The following CEMIP2 variants were observed in gnomAD, a reference collection of about 807,000 sequenced individuals.
CEMIP2 encodes cell surface hyaluronidase CEMIP2.
CEMIP2 carries 79 observed loss-of-function variants against 146.9 expected under a neutral mutation model. That is an observed-to-expected ratio of 0.54 (90% CI 0.45 to 0.65). The LOEUF (loss-of-function observed/expected upper bound fraction) is 0.65. Ranked by LOEUF, CEMIP2 falls within the 30% of genes least tolerant of loss-of-function variation. CEMIP2 has a pLI of 0.00. For missense variants in CEMIP2, 1,596 were observed against 1,696.2 expected, an observed-to-expected ratio of 0.94 and a Z score of 1.04; for synonymous variants, 601 against 606.3, an observed-to-expected ratio of 0.99 and a Z score of 0.13.
intron 1 of CEMIP2, among the ~76,000 whole-genome samples, chr9:71,759,728 T>C (rs377145896): frequency 6.6e-6 from 1 of 150,864 alleles, no homozygotes. Flanking sequence ...ATAGGGCTGT[T>C]CGGATGTGGT....
intron 2 of CEMIP2, among the ~76,000 whole-genome samples, chr9:71,747,831 T>C (rs1824132276): frequency 6.6e-6 from 1 of 152,194 alleles, no homozygotes; most frequent in African/African-American, 2.4e-5. Context: ...CAGCTACAAT[T>C]AGCCTCACCA....
At chr9:71,735,654 G>A (rs545774674) in intron 5 of CEMIP2, among the ~76,000 whole-genome samples, 1 of 152,180 alleles carries the variant, frequency 6.6e-6, no homozygotes, top group African/African-American at 2.4e-5. Context: ...ATGGTGGTGT[G>A]TGCCTACATC....
At position 71,685,270 on chromosome 9, in the gene CEMIP2, T is replaced by C; in HGVS notation, c.4079A>G (p.Tyr1360Cys). 1.2e-6 allele frequency: 2 copies of C among 1,613,646 alleles called. No individual in the cohort carries two copies. Among genetic ancestry groups the C allele is most frequent in the Non-Finnish European group, 1.7e-6 (2 of 1,179,924 alleles). Reference protein sequence around the residue: ...EQFIPLQLDEYGCPRATTVRR... With the variant: ...EQFIPLQLDECGCPRATTVRR... ...GACAGTGGTGGCTCTGGGACAACCA[T>C]ATTCGTCCAGCTGCAAAGGTATGAA... is the stretch of plus-strand genomic sequence containing the variant. Residue 1360 changes from tyrosine (Y) to cysteine (C), a missense_variant, in exon 24 of 24, where the codon TAT becomes TGT. By Grantham distance (194) the Tyr-to-Cys change is radical. Coordinates refer to ENST00000377044, the MANE Select transcript of CEMIP2 (RefSeq NM_013390.3).
chr9:71,697,573 C>T (rs1198903925), intron 20 of CEMIP2, among the ~76,000 whole-genome samples: 1 of 152,020 alleles, frequency 6.6e-6, no homozygotes, highest in Non-Finnish European at 1.5e-5. Context: ...AAAAAGGAAA[C>T]AATTTTCATA....
intron 10 of CEMIP2, among the ~76,000 whole-genome samples, chr9:71,729,572 C>T (rs377723755): frequency 1.8e-3 from 270 of 151,192 alleles, no homozygotes; most frequent in African/African-American, 6.1e-3. Context: ...TGACCAAGAT[C>T]GCGCCACTGC....
Position 71,685,041 on chromosome 9 carries a change from T to C in CEMIP2, c.*156A>G. 1 of 641,090 alleles carries C rather than the reference T, an allele frequency of 1.6e-6. No homozygotes were observed. The highest frequency in any genetic ancestry group is 1.8e-5 in the African/African-American group (1 of 54,374). 39.7% of individuals were successfully genotyped at this position (641,090 alleles called of 1,614,324 possible). On this transcript the variant is annotated 3_prime_UTR_variant, in exon 24 of 24. Coordinates refer to ENST00000377044, the MANE Select transcript of CEMIP2 (RefSeq NM_013390.3). ...ACAACTAGAAGGTGCATGAAGCTGGTATCCAAGCAATAATTTCAAACGCTT... is the reference window on the plus strand; with the variant it reads ...ACAACTAGAAGGTGCATGAAGCTGGCATCCAAGCAATAATTTCAAACGCTT...
intron 1 of CEMIP2, among the ~76,000 whole-genome samples, chr9:71,758,937 T>G (rs753279839): frequency 6.6e-6 from 1 of 152,162 alleles, no homozygotes; most frequent in Non-Finnish European, 1.5e-5. Context: ...CCTTCAACTC[T>G]CAAAAATCAG....
intron 18 of CEMIP2, among the ~76,000 whole-genome samples, chr9:71,701,051 T>A (rs1293885383): frequency 1.3e-5 from 2 of 152,218 alleles, no homozygotes; most frequent in Admixed American, 6.5e-5. Flanking sequence ...ATTTCTCATA[T>A]CAATAGATAT....
At chr9:71,759,790 A>G in intron 1 of CEMIP2, among the ~76,000 whole-genome samples, 1 of 113,316 alleles carries the variant, frequency 8.8e-6, no homozygotes, top group Non-Finnish European at 1.6e-5. Context: ...GGAAAGAAGC[A>G]GGGATAATTG....
intron 5 of CEMIP2, among the ~76,000 whole-genome samples, chr9:71,737,268 C>CA (rs1823790010): frequency 6.6e-6 from 1 of 150,882 alleles, no homozygotes; most frequent in African/African-American, 2.4e-5. Context: ...GCCTGGCCAA[C>CA]ATGGTGAAAC....
rs1166094712 is a variant in CEMIP2 at position 71,697,900 on chromosome 9, A to G, written c.3597+85T>C. ...CAATGTCCATAAATGGGCAATATAG[A>G]TGTTTCAAAGAAAAGTGCTCCTATT... On this transcript the variant is annotated intron_variant, in intron 20 of 23. Transcript: ENST00000377044. The G allele has an allele frequency of 3.0e-6, 4 of 1,355,710 alleles. No homozygotes were observed. In the African/African-American group the frequency reaches 5.8e-5, roughly 20 times the overall value. 84.0% of individuals were successfully genotyped at this position (1,355,710 alleles called of 1,614,324 possible). A position where few individuals can be genotyped will look rare whatever the true frequency, so the allele number is the denominator to read the frequency against.
chr9:71,734,691 G>T (rs937741587), intron 6 of CEMIP2, 115 bp downstream of exon 6: 17 of 895,576 alleles, frequency 1.9e-5, no homozygotes, highest in Non-Finnish European at 2.8e-5. Flanking sequence ...CAATACTGAT[G>T]ATTGTGATGG....
At chr9:71,703,550 G>A (rs1267294459) in intron 18 of CEMIP2, among the ~76,000 whole-genome samples, 2 of 152,112 alleles carry the variant, frequency 1.3e-5, no homozygotes, top group Non-Finnish European at 1.5e-5. Context: ...GACAAGTCAG[G>A]GCTTGATGAC....
intron 21 of CEMIP2, among the ~76,000 whole-genome samples, chr9:71,692,189 T>A (rs755804148): frequency 9.3e-5 from 14 of 151,170 alleles, no homozygotes; most frequent in Non-Finnish European, 1.5e-4. Context: ...AGATAATGAA[T>A]GTAAAAAGCA....
In CEMIP2 at chr9:71,700,767, G is replaced by A; in HGVS notation, c.3252C>T (p.Thr1084=). The A allele has an allele frequency of 6.2e-7, 1 of 1,614,014 alleles. No homozygotes were observed. The part of the protein sequence containing the change: ...CYPSNTSFQV[T]FGYLQRQNGS... ...CATTCTGCCGCTGCAAATAGCCAAA[G>A]GTAACTTGAAAACTTGTGTTTGATG... The change falls in exon 19 of 24, where the codon ACC becomes ACT. Residue 1084 remains threonine (T), a synonymous_variant. Coordinates refer to ENST00000377044, the MANE Select transcript of CEMIP2 (RefSeq NM_013390.3).
At chr9:71,708,019 T>C (rs1364823334) in intron 17 of CEMIP2, among the ~76,000 whole-genome samples, 4 of 152,078 alleles carry the variant, frequency 2.6e-5, no homozygotes, top group Non-Finnish European at 4.4e-5. Flanking sequence ...ACCCCGTCTC[T>C]ATTAAAAATA....
rs754572510 is a variant in CEMIP2 at position 71,740,095 on chromosome 9, A to T, written c.1172T>A (p.Phe391Tyr). The change falls in exon 5 of 24, where the codon TTC (phenylalanine) becomes TAC (tyrosine). Residue 391 changes from phenylalanine (F) to tyrosine (Y), a missense_variant. By Grantham distance (22) the Phe-to-Tyr change is conservative. Transcript: ENST00000377044. ...CCATTCACTATAAGCTGTCACAGAG[A>T]ACTTCTGGCCATCCACAGTATAAAA... ...REFYTVDGQK[F>Y]SVTAYSEWIE... The T allele has an allele frequency of 6.2e-7, 1 of 1,614,108 alleles. No individual in the cohort carries two copies. The highest frequency in any genetic ancestry group is 8.5e-7 in the Non-Finnish European group (1 of 1,180,016).
rs146520330 is a variant in CEMIP2 at position 71,694,531 on chromosome 9, C to G, written c.3674G>C (p.Arg1225Pro). Residue 1225 changes from arginine to proline, a missense_variant, in exon 21 of 24, where the codon CGT becomes CCT. By Grantham distance (103) the Arg-to-Pro change is moderately radical. Coordinates refer to ENST00000377044, the MANE Select transcript of CEMIP2 (RefSeq NM_013390.3). ...FQSPDKAETQ[R>P]GDPSVISVNG... is the part of the protein sequence containing the mutation. ...TACAGAAATAACAGACGGGTCTCCA[C>G]GCTGGGTTTCTGCTTTATCAGGTGA... 6.2e-7 allele frequency: 1 copy of G among 1,613,744 alleles called. No individual in the cohort carries two copies. Among genetic ancestry groups the G allele is most frequent in the Admixed American group, 1.7e-5 (1 of 60,014 alleles).
chr9:71,765,929 G>C (rs1824777014), intron 1 of CEMIP2, among the ~76,000 whole-genome samples: 1 of 152,182 alleles, frequency 6.6e-6, no homozygotes, highest in Non-Finnish European at 1.5e-5. Context: ...ATAAGTGCTA[G>C]CTGAATGGAT....
Sources: allele counts gnomAD v4.1 joint callset (sites outside exome capture counted in the v4.1 genomes callset), GRCh38; gene constraint gnomAD v4.1.1; transcripts MANE v1.5; gene names NCBI Gene and HGNC (gene_info 2026-07-23, HGNC 2026-07-21).